EPB41: variants seen among roughly 807,000 people sequenced by gnomAD.
EPB41 encodes the protein erythrocyte membrane protein band 4.1.
In EPB41, 65 loss-of-function variants were observed where a neutral mutation model predicts 108.0. That is an observed-to-expected ratio of 0.60 (90% CI 0.49 to 0.74). The LOEUF (loss-of-function observed/expected upper bound fraction) is 0.74. Ranked by LOEUF, EPB41 falls within the 30% of genes least tolerant of loss-of-function variation. The pLI, the probability that EPB41 is intolerant of heterozygous loss-of-function variation, is 0.00. For missense variants in EPB41, 875 were observed against 1,037.0 expected (o/e 0.84, Z 2.15); for synonymous variants, 336 against 358.9 (o/e 0.94, Z 0.72).
rs541469897 is a variant in EPB41 at position 28,887,587 on chromosome 1, G to T, written c.-8+377G>T. The T allele has an allele frequency of 5.6e-5, 55 of 985,134 alleles. No individual in the cohort carries two copies. In the African/African-American group the frequency reaches 9.1e-4, roughly 16 times the overall value. 61.0% of individuals were successfully genotyped at this position (985,134 alleles called of 1,614,324 possible). A position where few individuals can be genotyped will look rare whatever the true frequency, so the allele number is the denominator to read the frequency against. On this transcript the variant is annotated intron_variant, in intron 1 of 16. Coordinates refer to the EPB41 transcript ENST00000347529. The surrounding 1 kb of genome is among the most constrained non-coding windows in gnomAD (Gnocchi z 4.9). Reference sequence around the variant, plus strand: ...CCCGGCCGCCCCCTAGCCCCGCCTTGCCCGGCCCCGCATGCTCCTGCCGGG... The same window carrying T: ...CCCGGCCGCCCCCTAGCCCCGCCTTTCCCGGCCCCGCATGCTCCTGCCGGG...
intron 16 of EPB41, among the ~76,000 whole-genome samples, chr1:29,074,886 C>A (rs368533594): frequency 1.3e-5 from 2 of 152,128 alleles, no homozygotes; most frequent in Non-Finnish European, 2.9e-5. Flanking sequence ...TGTCCAGGCG[C>A]GGTGGCTCAC....
At chr1:28,999,299 G>C (rs1036502993) in intron 4 of EPB41, among the ~76,000 whole-genome samples, 3 of 152,224 alleles carry the variant, frequency 2.0e-5, no homozygotes, top group African/African-American at 4.8e-5. Context: ...GAGCCCAGGA[G>C]GGGGCGCTTG....
chr1:28,895,241 G>C lies in EPB41; in HGVS notation c.-8+8031G>C, dbSNP rs147256401. 8.5e-5 allele frequency among the ~76,000 whole-genome samples: 13 copies of C among 152,218 alleles called. No homozygotes were observed. In the East Asian group the frequency reaches 2.5e-3, roughly 29 times the overall value. ...TCCCACTGTGGCCCAGGGAGCCTGGGACTCACTAGTCATCATGTGTATTAT... is the reference window on the plus strand; with the variant it reads ...TCCCACTGTGGCCCAGGGAGCCTGGCACTCACTAGTCATCATGTGTATTAT... On this transcript the variant is annotated intron_variant, in intron 1 of 16. Transcript: ENST00000347529.
chr1:28,915,731 C>CTTTTTTTTTTTTTTTTTTT (rs11321625), intron 1 of EPB41, among the ~76,000 whole-genome samples: 2 of 56,074 alleles, frequency 3.6e-5, no homozygotes, highest in Non-Finnish European at 6.2e-5. Flanking sequence ...TTTTCAGATG[C>CTTTTTTTTTTTTTTTTTTT]TTTTTTTTTT....
intron 4 of EPB41, among the ~76,000 whole-genome samples, chr1:29,006,832 G>T (rs1226583858): frequency 2.0e-5 from 3 of 151,696 alleles, no homozygotes; most frequent in Admixed American, 2.0e-4. Context: ...CCGGAGAGGT[G>T]GAGGTTGCAG....
chr1:28,978,958 A>G (rs540128933), intron 1 of EPB41, among the ~76,000 whole-genome samples: 1 of 151,384 alleles, frequency 6.6e-6, no homozygotes, highest in East Asian at 1.9e-4. Flanking sequence ...CTGTTGTGGG[A>G]CTTCTCAGCC....
chr1:29,015,667 A>C (rs2096569180), intron 5 of EPB41, 25 bp from the exon 6 acceptor site: 5 of 1,447,828 alleles, frequency 3.5e-6, no homozygotes, highest in Non-Finnish European at 3.9e-6. Context: ...ATAAACGTAA[A>C]ATTCTTTTGT....
At chr1:29,066,494 G>A (rs1461867935) in intron 16 of EPB41, among the ~76,000 whole-genome samples, 1 of 152,090 alleles carries the variant, frequency 6.6e-6, no homozygotes, top group East Asian at 1.9e-4. Flanking sequence ...TATCTTGAAA[G>A]TTACCATGAA....
At chr1:28,932,344 A>T (rs532685955) in intron 1 of EPB41, among the ~76,000 whole-genome samples, 1 of 152,120 alleles carries the variant, frequency 6.6e-6, no homozygotes, top group South Asian at 2.1e-4. Flanking sequence ...GCTGATCTCG[A>T]ACTCTTGACC....
rs146159756 is a variant in EPB41 at position 28,995,433 on chromosome 1, G to A, written c.682-1782G>A. Among the ~76,000 whole-genome samples, 14 of 152,238 alleles carry A rather than the reference G, an allele frequency of 9.2e-5. No individual in the cohort carries two copies. The East Asian group carries it at 2.7e-3, about 29-fold the overall frequency. Reference sequence around the variant, plus strand: ...AAAAATTAGCTGGGTGTGGTGGCACGCACCTGTAGTCCCAGCTGCTTGGGA... The same window carrying A: ...AAAAATTAGCTGGGTGTGGTGGCACACACCTGTAGTCCCAGCTGCTTGGGA... On this transcript the variant is annotated intron_variant, in intron 3 of 20. Transcript: ENST00000343067.
In EPB41 at chr1:28,936,780, A is replaced by G. The variant is rs139877080; in HGVS notation, c.-8+22012A>G. On this transcript the variant is annotated intron_variant, in intron 1 of 20. Transcript: ENST00000343067. ...CTGTAGTATCACACAAAAATATTCT[A>G]TTGTATATCACATTTTGTTTATCCC... Among the ~76,000 whole-genome samples, 3 of 152,312 alleles carry G rather than the reference A, an allele frequency of 2.0e-5. No individual in the cohort carries two copies. The East Asian group carries it at 5.8e-4, about 29-fold the overall frequency.
At chr1:28,911,808 T>G (rs968300360), upstream of EPB41, among the ~76,000 whole-genome samples, 1 of 152,162 alleles carries the variant, frequency 6.6e-6, no homozygotes. Context: ...TTTGGGATGC[T>G]GAGGTGGGTG....
chr1:29,098,001 A>G (rs1663816667), intron 17 of EPB41, 66 bp downstream of exon 17: 1 of 1,607,830 alleles, frequency 6.2e-7, no homozygotes, highest in Non-Finnish European at 8.5e-7. Flanking sequence ...TTCTTCACAG[A>G]GTTTCTAGTC....
At chr1:28,997,159 GA>G in intron 3 of EPB41, 55 bp from the exon 4 acceptor site, 1 of 1,328,756 alleles carries the variant, frequency 7.5e-7, no homozygotes. Flanking sequence ...CTCTTTTGGG[GA>G]AAAAATAAAA....
chr1:28,960,563 CA>C lies in EPB41; in HGVS notation c.-7-26849del, dbSNP rs397860826. ...GCAATGTAGTGAGACCTCGTCTCTA[CA>C]AAAAAAAAAAAAAAAAAACTTAAAA... On this transcript the variant is annotated intron_variant, in intron 1 of 20. Transcript: ENST00000343067. 7.1e-3 allele frequency among the ~76,000 whole-genome samples: 333 copies of C among 46,872 alleles called. 1 individual carries two copies. Among genetic ancestry groups the C allele is most frequent in the African/African-American group, 0.014 (168 of 12,202 alleles). 30.7% of individuals were successfully genotyped at this position (46,872 alleles called of 152,430 possible). A position where few individuals can be genotyped will look rare whatever the true frequency, so the allele number is the denominator to read the frequency against.
chr1:28,910,960 G>T (rs1385194442), upstream of EPB41: 2 of 984,930 alleles, frequency 2.0e-6, no homozygotes, highest in Non-Finnish European at 2.4e-6. Flanking sequence ...TGTGAGCATG[G>T]AGCAGAGCTG....
chr1:28,946,697 C>A (rs546388302), intron 1 of EPB41, among the ~76,000 whole-genome samples: 1 of 152,210 alleles, frequency 6.6e-6, no homozygotes, highest in African/African-American at 2.4e-5. Flanking sequence ...TGTTTCATAC[C>A]TATACTCCTC....
chr1:28,942,761 C>G (rs1240528390), intron 1 of EPB41, among the ~76,000 whole-genome samples: 2 of 152,146 alleles, frequency 1.3e-5, no homozygotes, highest in Non-Finnish European at 1.5e-5. Flanking sequence ...ACTGAAAGTT[C>G]TAACCCTCTA....
intron 1 of EPB41, among the ~76,000 whole-genome samples, chr1:28,889,292 G>A (rs1302751718): frequency 1.3e-5 from 2 of 152,208 alleles, no homozygotes; most frequent in South Asian, 2.1e-4. Flanking sequence ...TGAGGTTTCC[G>A]CTGTATGTAT....
Sources: gnomAD v4.1 joint callset for allele counts (sites outside exome capture counted in the v4.1 genomes callset) on GRCh38, gnomAD v4.1.1 for gene constraint, Gnocchi (gnomAD v3.1) non-coding constraint, MANE v1.5 for transcripts, NCBI Gene and HGNC (gene_info 2026-07-23, HGNC 2026-07-21) for gene names.